Variants in CCSER1 observed in about 807,000 individuals in gnomAD.
CCSER1 encodes coiled-coil serine rich protein 1, also known as serine-rich coiled-coil domain-containing protein 1.
A neutral mutation model predicts 82.0 loss-of-function variants in CCSER1; 41 were observed. That is an observed-to-expected ratio of 0.50 (90% confidence interval 0.39 to 0.65). The LOEUF (loss-of-function observed/expected upper bound fraction) is 0.65. Ranked by LOEUF, CCSER1 falls within the 30% of genes least tolerant of loss-of-function variation. The probability of loss-of-function intolerance (pLI) is 0.00; values close to 1 mark genes in which losing one functional copy is unlikely to be tolerated. For missense variants in CCSER1, 1,119 were observed against 1,064.2 expected (o/e 1.05, Z -0.72); for synonymous variants, 414 against 383.9 (o/e 1.08, Z -0.92).
chr4:90,611,986 C>A (rs1288562943), intron 5 of CCSER1, among the ~76,000 whole-genome samples: 1 of 151,508 alleles, frequency 6.6e-6, no homozygotes, highest in Non-Finnish European at 1.5e-5. Flanking sequence ...TACACTCTTT[C>A]TTAATATATC....
At chr4:91,399,042 G>T (rs1329176154) in intron 10 of CCSER1, among the ~76,000 whole-genome samples, 1 of 151,834 alleles carries the variant, frequency 6.6e-6, no homozygotes, top group Non-Finnish European at 1.5e-5. Context: ...GAAATCGTGA[G>T]ATGTGTAAAA....
At chr4:91,277,487 T>C (rs913026661) in intron 10 of CCSER1, among the ~76,000 whole-genome samples, 1 of 131,778 alleles carries the variant, frequency 7.6e-6, no homozygotes, top group Non-Finnish European at 1.7e-5. Flanking sequence ...TCCATAATAG[T>C]CTCTGATTAT....
rs375754531 is a variant in CCSER1, at chr4:91,461,759, C to T, written c.2218-136813C>T. Among the ~76,000 whole-genome samples the T allele has an allele frequency of 3.9e-4, 59 of 152,254 alleles. No homozygotes were observed. The East Asian group carries it at 6.9e-3, about 18-fold the overall frequency. ...TTCCTGGGTTCCCTAAAGCCTAGCACAGTAATGTTCAAAAGGGTATCTCTC... is the reference window on the plus strand; with the variant it reads ...TTCCTGGGTTCCCTAAAGCCTAGCATAGTAATGTTCAAAAGGGTATCTCTC... On this transcript the variant is annotated intron_variant, in intron 10 of 10. Transcript: ENST00000509176.
chr4:91,555,132 A>AT (rs993234224), intron 10 of CCSER1, among the ~76,000 whole-genome samples: 6 of 151,046 alleles, frequency 4.0e-5, no homozygotes, highest in Middle Eastern at 3.4e-3. Flanking sequence ...CTGCAAAATG[A>AT]TTTTTTTTCA....
At chr4:90,993,908 A>C (rs1737262155) in intron 9 of CCSER1, among the ~76,000 whole-genome samples, 1 of 152,156 alleles carries the variant, frequency 6.6e-6, no homozygotes, top group African/African-American at 2.4e-5. Flanking sequence ...AATTTGAGTA[A>C]TTGATAAATA....
intron 10 of CCSER1, among the ~76,000 whole-genome samples, chr4:91,565,936 A>G (rs1762867890): frequency 6.6e-6 from 1 of 151,930 alleles, no homozygotes; most frequent in South Asian, 2.1e-4. Context: ...GTTGAATAGG[A>G]GTGGTGGGAG....
intron 10 of CCSER1, among the ~76,000 whole-genome samples, chr4:91,588,308 A>T (rs1764106175): frequency 6.6e-6 from 1 of 151,566 alleles, no homozygotes; most frequent in African/African-American, 2.4e-5. Context: ...TCTAACACTC[A>T]TAAACTCATC....
chr4:91,433,251 T>A (rs1011632252), intron 10 of CCSER1, among the ~76,000 whole-genome samples: 6 of 152,192 alleles, frequency 3.9e-5, no homozygotes, highest in African/African-American at 1.4e-4. Context: ...ATATTGTCTG[T>A]GGGTGGTCCT....
intron 10 of CCSER1, among the ~76,000 whole-genome samples, chr4:91,548,946 T>G (rs1202500386): frequency 6.6e-6 from 1 of 152,168 alleles, no homozygotes; most frequent in Non-Finnish European, 1.5e-5. Flanking sequence ...AAAATATTGC[T>G]TCTGTTTTTT....
intron 3 of CCSER1, among the ~76,000 whole-genome samples, chr4:90,325,356 T>C (rs1328692027): frequency 6.6e-6 from 1 of 152,228 alleles, no homozygotes; most frequent in African/African-American, 2.4e-5. Context: ...ATCTTTTACC[T>C]GTAACCCTAC....
At chr4:91,487,077 T>G (rs1233192620) in intron 10 of CCSER1, among the ~76,000 whole-genome samples, 1 of 152,094 alleles carries the variant, frequency 6.6e-6, no homozygotes, top group Non-Finnish European at 1.5e-5. Context: ...AAAGAAACTA[T>G]TAATTTACAA....
chr4:90,724,970 A>G (rs976117867), intron 7 of CCSER1: 5 of 430,368 alleles, frequency 1.2e-5, no homozygotes, highest in African/African-American at 1.0e-4. Flanking sequence ...GAGAGTATTT[A>G]GTTTTCTAAT....
chr4:90,481,387 G>T (rs972043264), intron 5 of CCSER1, among the ~76,000 whole-genome samples: 1 of 152,062 alleles, frequency 6.6e-6, no homozygotes, highest in East Asian at 1.9e-4. Context: ...GATTGCCCTG[G>T]CCAGAACTTC....
chr4:90,360,422 C>A (rs1309271361), intron 3 of CCSER1, among the ~76,000 whole-genome samples: 3 of 149,744 alleles, frequency 2.0e-5, no homozygotes, highest in East Asian at 4.0e-4. Context: ...CCCAGCTACT[C>A]GGGAGGCTGC....
chr4:90,777,598 A>C (rs2149593491), intron 7 of CCSER1, among the ~76,000 whole-genome samples: 1 of 152,240 alleles, frequency 6.6e-6, no homozygotes, highest in Middle Eastern at 3.4e-3. Context: ...TGTGACTTTG[A>C]AAAATGTATT....
rs1257209257 is a variant in CCSER1, at chr4:90,127,425, G to A, written c.-448G>A. On this transcript the variant is annotated 5_prime_UTR_variant, in exon 1 of 11. Transcript: ENST00000509176. The stretch of plus-strand genomic sequence containing the variant: ...CCGGAGCGCGGCCTGCCGGGGAGGT[G>A]GATCTCGCGCTCCCCACACAGTCAC... 6.6e-6 allele frequency: 1 copy of A among 152,362 alleles called. No individual in the cohort carries two copies. The highest frequency in any genetic ancestry group is 1.5e-5 in the Non-Finnish European group (1 of 68,198). 9.4% of individuals were successfully genotyped at this position (152,362 alleles called of 1,614,324 possible).
intron 1 of CCSER1, among the ~76,000 whole-genome samples, chr4:90,175,117 A>G (rs552965993): frequency 9.2e-5 from 14 of 152,138 alleles, no homozygotes; most frequent in African/African-American, 2.2e-4. Flanking sequence ...GTGCCCATCA[A>G]CAGGTGGATG....
intron 10 of CCSER1, among the ~76,000 whole-genome samples, chr4:91,183,087 C>A (rs1008608029): frequency 6.6e-6 from 1 of 152,186 alleles, no homozygotes; most frequent in Non-Finnish European, 1.5e-5. Flanking sequence ...GATGTATGAG[C>A]CCTAATGTGA....
In CCSER1 at chr4:91,443,706, AAATT is replaced by A. The variant is rs1259252171; in HGVS notation, c.2218-154863_2218-154860del. On this transcript the variant is annotated intron_variant, in intron 10 of 10. Coordinates refer to ENST00000509176, the MANE Select transcript of CCSER1 (RefSeq NM_001145065.2). ...GAAAATAATATTAGCGATCAGAAAAAAATTAAGTATAGAGAAAACTATATGTATA... is the reference window on the plus strand; with the variant it reads ...GAAAATAATATTAGCGATCAGAAAAAAAGTATAGAGAAAACTATATGTATA... Among the ~76,000 whole-genome samples, 7 of 148,414 alleles carry A rather than the reference AAATT, an allele frequency of 4.7e-5. No homozygotes were observed. In the South Asian group the frequency reaches 6.3e-4, roughly 13 times the overall value.
Sources: allele counts gnomAD v4.1 joint callset (sites outside exome capture counted in the v4.1 genomes callset), GRCh38; gene constraint gnomAD v4.1.1; transcripts MANE v1.5; gene names NCBI Gene and HGNC (gene_info 2026-07-23, HGNC 2026-07-21).